Variants in RBMS3 observed in about 807,000 individuals in gnomAD.
RBMS3 encodes the protein RNA-binding motif, single-stranded-interacting protein 3.
Under a neutral mutation model 66.8 loss-of-function variants are expected in RBMS3, and 27 were observed. The observed-to-expected ratio is 0.40, with a 90% CI of 0.30 to 0.56. The LOEUF is 0.56. Among genes scored for constraint, RBMS3 ranks in the 20% least tolerant of loss-of-function variants. The pLI, the probability that RBMS3 is intolerant of heterozygous loss-of-function variation, is 0.40. For missense variants in RBMS3, 513 were observed against 549.5 expected, an observed-to-expected ratio of 0.93 and a Z score of 0.66; for synonymous variants, 188 against 183.0, an observed-to-expected ratio of 1.03 and a Z score of -0.22.
intron 6 of RBMS3, among the ~76,000 whole-genome samples, chr3:29,789,183 AT>A (rs1272992958): frequency 6.6e-6 from 1 of 152,134 alleles, no homozygotes; most frequent in African/African-American, 2.4e-5. Context: ...TGCCATTTAG[AT>A]TTTTTAAAAT....
chr3:29,640,401 G>A (rs1219175696), intron 4 of RBMS3, among the ~76,000 whole-genome samples: 2 of 151,646 alleles, frequency 1.3e-5, no homozygotes, highest in African/African-American at 2.4e-5. Context: ...TAAGCTTCGG[G>A]GATCATTCTT....
At chr3:29,550,769 T>C (rs1466627710) in intron 3 of RBMS3, among the ~76,000 whole-genome samples, 1 of 152,178 alleles carries the variant, frequency 6.6e-6, no homozygotes, top group Non-Finnish European at 1.5e-5. Flanking sequence ...ACCCTGCATA[T>C]TTTGGCAAGT....
In RBMS3 at chr3:29,689,954, A is replaced by T. The variant is rs868010801; in HGVS notation, c.400-49766A>T. ...AAAAAAAAAAAAAAAAAAAAAAAAA[A>T]AGTGAAAGAAAGGGAGATGCTATTA... On this transcript the variant is annotated intron_variant, in intron 4 of 14. Transcript: ENST00000383767. Among the ~76,000 whole-genome samples the T allele has an allele frequency of 2.0e-4, 28 of 140,044 alleles. No homozygotes were observed. In the South Asian group the frequency reaches 6.4e-3, roughly 32 times the overall value. The allele number at this position is 140,044 out of a possible 152,430, so 91.9% of individuals were successfully genotyped here.
chr3:29,786,004 C>G (rs1362568669), intron 6 of RBMS3, among the ~76,000 whole-genome samples: 1 of 149,918 alleles, frequency 6.7e-6, no homozygotes, highest in South Asian at 2.1e-4. Context: ...TTTCAGCATA[C>G]AAAATTAATG....
At chr3:29,960,564 C>A (rs1357110395) in intron 12 of RBMS3, among the ~76,000 whole-genome samples, 3 of 152,198 alleles carry the variant, frequency 2.0e-5, no homozygotes. Flanking sequence ...CCCCACATTT[C>A]CCTTCCACAC....
intron 4 of RBMS3, among the ~76,000 whole-genome samples, chr3:29,736,819 T>C (rs893764943): frequency 1.3e-5 from 2 of 152,236 alleles, no homozygotes; most frequent in Non-Finnish European, 2.9e-5. Context: ...ACACTTCCAT[T>C]AATTATGAAT....
intron 10 of RBMS3, among the ~76,000 whole-genome samples, chr3:29,932,972 T>A (rs1044077477): frequency 6.6e-6 from 1 of 152,190 alleles, no homozygotes; most frequent in African/African-American, 2.4e-5. Context: ...ATCAGCTGTT[T>A]GGTCATTGTA....
chr3:29,995,964 C>T (rs1699201903), intron 14 of RBMS3, among the ~76,000 whole-genome samples: 1 of 152,134 alleles, frequency 6.6e-6, no homozygotes, highest in Non-Finnish European at 1.5e-5. Flanking sequence ...TTAAAAGACA[C>T]AGACTGGCAA....
chr3:29,884,159 C>G lies in RBMS3; in HGVS notation c.745-3C>G. 1 of 1,611,204 alleles carries G rather than the reference C, an allele frequency of 6.2e-7. No individual in the cohort carries two copies. The highest frequency in any genetic ancestry group is 8.5e-7 in the Non-Finnish European group (1 of 1,178,068). On this transcript the variant is annotated splice_polypyrimidine_tract_variant and splice_region_variant and intron_variant, in intron 7 of 14. Coordinates refer to ENST00000383767, the MANE Select transcript of RBMS3 (RefSeq NM_001003793.3). ...TTTTCTTCCCTCTTCATCCTATATA[C>G]AGGCTGGCATGGCTTTGACCTATGA...
chr3:29,919,707 TACATTCAAGGG>T (rs2060720638), intron 10 of RBMS3, among the ~76,000 whole-genome samples: 1 of 152,216 alleles, frequency 6.6e-6, no homozygotes, highest in Non-Finnish European at 1.5e-5. Context: ...TGCCTTGAAC[TACATTCAAGGG>T]GCAGGAATTC....
chr3:29,541,103 G>A (rs1346344323), intron 3 of RBMS3, among the ~76,000 whole-genome samples: 2 of 152,164 alleles, frequency 1.3e-5, no homozygotes, highest in African/African-American at 4.8e-5. Flanking sequence ...GGTGTCACCT[G>A]TAACTGTTTA....
chr3:29,997,998 A>C (rs1309896832), intron 14 of RBMS3, among the ~76,000 whole-genome samples: 2 of 152,232 alleles, frequency 1.3e-5, no homozygotes, highest in Non-Finnish European at 2.9e-5. Flanking sequence ...TGCAGATGAC[A>C]TGATTGTATA....
chr3:29,631,431 T>G (rs1448892005), intron 4 of RBMS3, among the ~76,000 whole-genome samples: 2 of 151,928 alleles, frequency 1.3e-5, no homozygotes, highest in Non-Finnish European at 2.9e-5. Flanking sequence ...TCTTGAGTCA[T>G]CTGATAGCTC....
intron 1 of RBMS3, among the ~76,000 whole-genome samples, chr3:29,363,158 A>C (rs2037701203): frequency 6.6e-6 from 1 of 152,144 alleles, no homozygotes; most frequent in South Asian, 2.1e-4. Context: ...CCTAAATCTG[A>C]GGGTTGCCTT....
intron 8 of RBMS3, among the ~76,000 whole-genome samples, chr3:29,886,583 C>A (rs192261175): frequency 6.6e-6 from 1 of 151,830 alleles, no homozygotes; most frequent in East Asian, 1.9e-4. Flanking sequence ...AACAAGCCAA[C>A]AAGTTTTACT....
intron 4 of RBMS3, among the ~76,000 whole-genome samples, chr3:29,596,211 C>T (rs2047937523): frequency 6.6e-6 from 1 of 152,158 alleles, no homozygotes; most frequent in Non-Finnish European, 1.5e-5. Flanking sequence ...TATTTTTATA[C>T]TGTACTCTAA....
intron 4 of RBMS3, among the ~76,000 whole-genome samples, chr3:29,693,297 C>T (rs1179144534): frequency 6.6e-6 from 1 of 152,162 alleles, no homozygotes; most frequent in Non-Finnish European, 1.5e-5. Flanking sequence ...ACCTCAAATT[C>T]ATGACTATAA....
chr3:29,635,688 C>T (rs530586974), intron 4 of RBMS3, among the ~76,000 whole-genome samples: 22 of 151,980 alleles, frequency 1.4e-4, no homozygotes, highest in African/African-American at 4.1e-4. Context: ...ATGTCTCACT[C>T]GGGTAAAAGC....
intron 10 of RBMS3, among the ~76,000 whole-genome samples, chr3:29,929,952 G>GA (rs1218284001): frequency 1.3e-5 from 2 of 151,684 alleles, no homozygotes; most frequent in Non-Finnish European, 2.9e-5. Context: ...AAAGCCATTG[G>GA]AAGTCATGTA....
Sources: gnomAD v4.1 joint callset for allele counts (sites outside exome capture counted in the v4.1 genomes callset) on GRCh38, gnomAD v4.1.1 for gene constraint, MANE v1.5 for transcripts, NCBI Gene and HGNC (gene_info 2026-07-23, HGNC 2026-07-21) for gene names.